The following CUTC variants were observed in gnomAD, a reference collection of about 807,000 sequenced individuals.
CUTC encodes cutC copper transporter, also known as copper homeostasis protein cutC homolog.
Under a neutral mutation model 36.2 loss-of-function variants are expected in CUTC, and 27 were observed. The ratio of observed to expected loss-of-function variants is 0.75; its 90% CI spans 0.55 to 1.03. The LOEUF (loss-of-function observed/expected upper bound fraction) is 1.03. Among genes scored for constraint, CUTC ranks in the 50% least tolerant of loss-of-function variants. CUTC has a pLI of 0.00. For missense variants in CUTC, 315 were observed against 343.5 expected (o/e 0.92, Z 0.66); for synonymous variants, 114 against 118.3 (o/e 0.96, Z 0.24).
chr10:99,753,500 C>G (rs948965410), intron 7 of CUTC, among the ~76,000 whole-genome samples: 2 of 152,174 alleles, frequency 1.3e-5, no homozygotes, highest in Non-Finnish European at 2.9e-5. Context: ...GCCTCTGCCT[C>G]CTAGGCTCAA....
At chr10:99,733,096 C>T (rs2037237979) in intron 1 of CUTC, among the ~76,000 whole-genome samples, 1 of 152,054 alleles carries the variant, frequency 6.6e-6, no homozygotes, top group Admixed American at 6.5e-5. Context: ...ATCATCTGAG[C>T]TCAGGAGTTC....
chr10:99,736,205 T>C (rs779366670), intron 1 of CUTC, 41 bp from the exon 2 acceptor site: 2 of 1,564,344 alleles, frequency 1.3e-6, no homozygotes, highest in Admixed American at 1.7e-5. Context: ...TCTGGATGGA[T>C]AGAACCTTTA....
At chr10:99,738,548 T>G (rs1460112617) in intron 2 of CUTC, among the ~76,000 whole-genome samples, 1 of 152,150 alleles carries the variant, frequency 6.6e-6, no homozygotes, top group African/African-American at 2.4e-5. Context: ...TTAAGATTTA[T>G]TTGTTAAGCA....
chr10:99,738,389 G>GGGGTGTGT lies in CUTC; in HGVS notation c.134-1320_134-1319insGGTGTGTG, dbSNP rs148974907. Among the ~76,000 whole-genome samples, 8 of 142,962 alleles carry GGGGTGTGT rather than the reference G, an allele frequency of 5.6e-5. No individual in the cohort carries two copies. In the East Asian group the frequency reaches 1.4e-3, roughly 26 times the overall value. The allele number at this position is 142,962 out of a possible 152,430, so 93.8% of individuals were successfully genotyped here. On this transcript the variant is annotated intron_variant, in intron 2 of 8. Coordinates refer to ENST00000370476, the MANE Select transcript of CUTC (RefSeq NM_015960.3). Reference sequence around the variant, plus strand: ...AGATTTCTCCAGTTGACTCATACAGGGTGTGTGTGTGTGTGTGTGTGTGTG... The same window carrying GGGGTGTGT: ...AGATTTCTCCAGTTGACTCATACAGGGGGTGTGTGTGTGTGTGTGTGTGTGTGTGTGTG...
chr10:99,751,746 T>C (rs2037419974), intron 7 of CUTC, among the ~76,000 whole-genome samples: 1 of 152,132 alleles, frequency 6.6e-6, no homozygotes, highest in Non-Finnish European at 1.5e-5. Context: ...TAATCCCAGC[T>C]ACTTGGGAGG....
intron 4 of CUTC, 49 bp downstream of exon 4, chr10:99,743,411 T>G (rs1340844188): frequency 6.6e-7 from 1 of 1,525,208 alleles, no homozygotes; most frequent in Admixed American, 1.7e-5. Context: ...TAATTGTATT[T>G]ATGCTCACAA....
chr10:99,735,101 CAAAAAA>C (rs56971127), intron 1 of CUTC, among the ~76,000 whole-genome samples: 1 of 68,770 alleles, frequency 1.5e-5, no homozygotes, highest in African/African-American at 6.0e-5. Flanking sequence ...GACTCTGTAT[CAAAAAA>C]AAAAAAAAAA....
At chr10:99,745,063 A>G (rs1229649963) in intron 5 of CUTC, among the ~76,000 whole-genome samples, 4 of 152,112 alleles carry the variant, frequency 2.6e-5, no homozygotes, top group Admixed American at 2.6e-4. Flanking sequence ...AAAATCAGGT[A>G]GTTATAATTT....
intron 5 of CUTC, among the ~76,000 whole-genome samples, chr10:99,744,986 C>T (rs61870428): frequency 0.025 from 3,744 of 152,172 alleles, 65 homozygotes; most frequent in South Asian, 0.083. Context: ...CTCCTGACCT[C>T]GTGATCCACC....
chr10:99,738,389 GGTGTGTGT>G lies in CUTC; in HGVS notation c.134-1290_134-1283del, dbSNP rs10693937. On this transcript the variant is annotated intron_variant, in intron 2 of 8. Coordinates refer to ENST00000370476, the MANE Select transcript of CUTC (RefSeq NM_015960.3). ...AGATTTCTCCAGTTGACTCATACAGGGTGTGTGTGTGTGTGTGTGTGTGTGTGTGTGTG... is the reference window on the plus strand; with the variant it reads ...AGATTTCTCCAGTTGACTCATACAGGGTGTGTGTGTGTGTGTGTGTGTGTG... 1.4e-3 allele frequency among the ~76,000 whole-genome samples: 199 copies of G among 142,960 alleles called. 4 individuals carry two copies. The South Asian group carries it at 0.025, about 18-fold the overall frequency. 93.8% of individuals were successfully genotyped at this position (142,960 alleles called of 152,430 possible).
At chr10:99,748,674 C>T (rs927063852) in intron 6 of CUTC, among the ~76,000 whole-genome samples, 24 of 152,016 alleles carry the variant, frequency 1.6e-4, no homozygotes, top group African/African-American at 5.1e-4. Flanking sequence ...TGAAGGTTGG[C>T]AATAATTAGA....
At chr10:99,735,101 CAAAAA>C (rs56971127) in intron 1 of CUTC, among the ~76,000 whole-genome samples, 1 of 68,770 alleles carries the variant, frequency 1.5e-5, no homozygotes, top group Non-Finnish European at 2.5e-5. Context: ...GACTCTGTAT[CAAAAA>C]AAAAAAAAAA....
In CUTC at chr10:99,755,789, A is replaced by C. The variant is rs2037453010; in HGVS notation, c.*50A>C. ...TATCACAGGATGAAGGTAGAACTATAATCTGCAATTCTCTATGACACAGCT... is the reference window on the plus strand; with the variant it reads ...TATCACAGGATGAAGGTAGAACTATCATCTGCAATTCTCTATGACACAGCT... On this transcript the variant is annotated 3_prime_UTR_variant, in exon 9 of 9. Coordinates refer to ENST00000370476, the MANE Select transcript of CUTC (RefSeq NM_015960.3). 1 of 1,184,644 alleles carries C rather than the reference A, an allele frequency of 8.4e-7. No individual in the cohort carries two copies. Among genetic ancestry groups the C allele is most frequent in the Non-Finnish European group, 1.3e-6 (1 of 795,860 alleles). 73.4% of individuals were successfully genotyped at this position (1,184,644 alleles called of 1,614,324 possible).
chr10:99,738,360 T>C (rs183931669), intron 2 of CUTC, among the ~76,000 whole-genome samples: 1 of 150,900 alleles, frequency 6.6e-6, no homozygotes, highest in East Asian at 2.0e-4. Context: ...ATAACCCAGT[T>C]TTCAGATTTC....
At chr10:99,732,617 G>T in intron 1 of CUTC, 1 of 1,422,836 alleles carries the variant, frequency 7.0e-7, no homozygotes, top group South Asian at 1.5e-5. Flanking sequence ...CAGCTGTGGA[G>T]CCAAGGTTCG....
chr10:99,736,600 A>G (rs1465003168), intron 2 of CUTC, among the ~76,000 whole-genome samples: 1 of 152,194 alleles, frequency 6.6e-6, no homozygotes, highest in Non-Finnish European at 1.5e-5. Context: ...TAACTTAAAG[A>G]TGACTTCAGA....
At chr10:99,749,386 T>C (rs886264101) in intron 6 of CUTC, among the ~76,000 whole-genome samples, 6 of 152,340 alleles carry the variant, frequency 3.9e-5, no homozygotes, top group Admixed American at 3.3e-4. Flanking sequence ...CTTCAGGTTA[T>C]AGCACTTAGT....
In CUTC at chr10:99,755,752, G is replaced by A. The variant is rs747019413; in HGVS notation, c.*13G>A. ...CATCCTGGTGTAGCCAGACCTCTCT[G>A]AGAGACATGGATATCACAGGATGAA... is the stretch of plus-strand genomic sequence containing the variant. On this transcript the variant is annotated 3_prime_UTR_variant, in exon 9 of 9. Transcript: ENST00000370476. The A allele has an allele frequency of 3.4e-6, 5 of 1,480,902 alleles. No individual in the cohort carries two copies. Among genetic ancestry groups the A allele is most frequent in the East Asian group, 2.3e-5 (1 of 44,224 alleles). 91.7% of individuals were successfully genotyped at this position (1,480,902 alleles called of 1,614,324 possible).
intron 1 of CUTC, among the ~76,000 whole-genome samples, 200 bp from the exon 2 acceptor site, chr10:99,736,046 G>C (rs532394461): frequency 4.6e-5 from 7 of 152,154 alleles, no homozygotes; most frequent in Non-Finnish European, 1.0e-4. Flanking sequence ...TTATACATCT[G>C]TCTGTGTACC....
Sources: allele counts gnomAD v4.1 joint callset (sites outside exome capture counted in the v4.1 genomes callset), GRCh38; gene constraint gnomAD v4.1.1; transcripts MANE v1.5; gene names NCBI Gene and HGNC (gene_info 2026-07-23, HGNC 2026-07-21).